Variants in EPHA10 observed in about 807,000 individuals in gnomAD.
EPHA10 encodes EPH receptor A10.
EPHA10 carries 120 observed loss-of-function variants against 109.7 expected under a neutral mutation model. That is an observed-to-expected ratio of 1.09 (90% CI 0.94 to 1.27). The LOEUF is 1.27. Among genes scored for constraint, EPHA10 ranks in the 50% most tolerant of loss-of-function variants. The pLI is 0.00. For missense variants in EPHA10, 1,396 were observed against 1,411.1 expected (o/e 0.99, Z 0.17); for synonymous variants, 640 against 618.9 (o/e 1.03, Z -0.51).
At chr1:37,762,333 G>A (rs1395004430) in intron 2 of EPHA10, among the ~76,000 whole-genome samples, 2 of 152,128 alleles carry the variant, frequency 1.3e-5, no homozygotes, top group Non-Finnish European at 2.9e-5. Flanking sequence ...GCTAGGAATG[G>A]TGCCTGTAGT....
chr1:37,744,956 C>T (rs1360478303), intron 5 of EPHA10, among the ~76,000 whole-genome samples: 1 of 152,112 alleles, frequency 6.6e-6, no homozygotes, highest in Non-Finnish European at 1.5e-5. Context: ...CAGAGAAAAA[C>T]ACCTAGAGAG....
chr1:37,763,065 A>C (rs1039303968), intron 1 of EPHA10, among the ~76,000 whole-genome samples: 1 of 152,206 alleles, frequency 6.6e-6, no homozygotes, highest in African/African-American at 2.4e-5. Flanking sequence ...AGGAGCTTGT[A>C]TTCAGTTCCT....
intron 5 of EPHA10, among the ~76,000 whole-genome samples, chr1:37,741,286 C>G: frequency 6.6e-6 from 1 of 152,300 alleles, no homozygotes; most frequent in South Asian, 2.1e-4. Context: ...GAGGAGACAA[C>G]AGAGTAAGAT....
chr1:37,753,137 C>G lies in EPHA10; in HGVS notation c.1096G>C (p.Gly366Arg). Residue 366 changes from glycine to arginine, a missense_variant, in exon 5 of 17, where the codon GGA becomes CGA. Coordinates refer to ENST00000373048, the MANE Select transcript of EPHA10 (RefSeq NM_001099439.2). ...GAGTAGGTGACGTCCGAGCGGCCTC[C>G]CGAGTCGGCCGGCGGCAGCCAGCGC... ...RLRWLPPADS[G>R]GRSDVTYSLL... is the part of the protein sequence containing the mutation. 7.1e-7 allele frequency: 1 copy of G among 1,407,430 alleles called. No homozygotes were observed. The highest frequency in any genetic ancestry group is 9.3e-7 in the Non-Finnish European group (1 of 1,080,386). 87.2% of individuals were successfully genotyped at this position (1,407,430 alleles called of 1,614,324 possible). A position where few individuals can be genotyped will look rare whatever the true frequency, so the allele number is the denominator to read the frequency against.
In EPHA10 at chr1:37,718,262, G is replaced by A; in HGVS notation, c.*110C>T. On this transcript the variant is annotated 3_prime_UTR_variant, in exon 17 of 17. Transcript: ENST00000373048. ...CCACCAGATCTGGGCCCAAGCAGAG[G>A]AAGAGAGCGCTCCCTCCCACACTGC... 1 of 929,106 alleles carries A rather than the reference G, an allele frequency of 1.1e-6. No individual in the cohort carries two copies. The highest frequency in any genetic ancestry group is 1.7e-6 in the Non-Finnish European group (1 of 601,966). 57.6% of individuals were successfully genotyped at this position (929,106 alleles called of 1,614,324 possible).
rs577260621 is a variant in EPHA10 at position 37,741,850 on chromosome 1, T to C, written c.1358-6460A>G. On this transcript the variant is annotated intron_variant, in intron 5 of 16. Coordinates refer to ENST00000373048, the MANE Select transcript of EPHA10 (RefSeq NM_001099439.2). ...GCTTTCGAGGAAGAGTGCTCTTCCC[T>C]ATCCCCCGGGGGCGCTTCTCAGCCA... Among the ~76,000 whole-genome samples, 45 of 151,362 alleles carry C rather than the reference T, an allele frequency of 3.0e-4. No individual in the cohort carries two copies. In the South Asian group the frequency reaches 9.0e-3, roughly 30 times the overall value.
At chr1:37,750,376 A>G (rs995019200) in intron 5 of EPHA10, among the ~76,000 whole-genome samples, 4 of 152,222 alleles carry the variant, frequency 2.6e-5, no homozygotes, top group Non-Finnish European at 5.9e-5. Flanking sequence ...AATAGAGACA[A>G]TAAAAAACAG....
At chr1:37,762,724 G>A (rs1217236200) in intron 2 of EPHA10, 61 bp downstream of exon 2, 20 of 1,442,474 alleles carry the variant, frequency 1.4e-5, no homozygotes, top group Non-Finnish European at 1.9e-5. Flanking sequence ...AGGAGCTGAG[G>A]AGACTGTGTC....
In EPHA10 at chr1:37,761,596, G is replaced by A; in HGVS notation, c.659C>T (p.Thr220Met). The A allele has an allele frequency of 1.2e-6, 2 of 1,600,254 alleles. No individual in the cohort carries two copies. The highest frequency in any genetic ancestry group is 8.5e-7 in the Non-Finnish European group (1 of 1,177,748). Residue 220 changes from threonine (T) to methionine (M), a missense_variant, in exon 3 of 17, where the codon ACG becomes ATG. Thr to Met is a moderately conservative substitution (Grantham distance 81, BLOSUM62 -1). Transcript: ENST00000373048. ...GCTCTCGGCTGCGGTGGCTGGGAAC[G>A]TGGCCAGGCCCCGCACGGTGGCGCG... ...QCRATVRGLA[T>M]FPATAAESAF...
At chr1:37,722,876 T>C (rs750984716) in intron 10 of EPHA10, 165 bp downstream of exon 10, 121 of 1,025,736 alleles carry the variant, frequency 1.2e-4, no homozygotes, top group South Asian at 1.0e-3. Flanking sequence ...CCAGGGACTT[T>C]CTGGGTGGAG....
At chr1:37,737,263 A>G (rs1175505749) in intron 5 of EPHA10, among the ~76,000 whole-genome samples, 1 of 152,176 alleles carries the variant, frequency 6.6e-6, no homozygotes, top group African/African-American at 2.4e-5. Context: ...AGCCTGGGCA[A>G]CACAGTGAGA....
rs56167657 is a variant in EPHA10 at position 37,720,457 on chromosome 1, C to T, written c.2306G>A (p.Arg769Gln). 24 of 1,613,458 alleles carry T rather than the reference C, an allele frequency of 1.5e-5. No homozygotes were observed. The highest frequency in any genetic ancestry group is 4.4e-5 in the South Asian group (4 of 91,078). ...CAGCACATGGCGAGCTGCCAGGCCC[C>T]GGTGAACGTAGCCCATCTCTGACAG... is the stretch of plus-strand genomic sequence containing the variant. ...KYLSEMGYVH[R>Q]GLAARHVLVS... The change falls in exon 13 of 17, where the codon CGG (arginine) becomes CAG (glutamine). Residue 769 changes from arginine (R) to glutamine (Q), a missense_variant. Coordinates refer to ENST00000373048, the MANE Select transcript of EPHA10 (RefSeq NM_001099439.2).
rs754308771 is a variant in EPHA10, at chr1:37,727,181, C to G, written c.1693G>C (p.Ala565Pro). 13 of 1,611,208 alleles carry G rather than the reference C, an allele frequency of 8.1e-6. No homozygotes were observed. Among genetic ancestry groups the G allele is most frequent in the Non-Finnish European group, 9.3e-6 (11 of 1,178,390 alleles). Residue 565 changes from alanine to proline, a missense_variant, in exon 8 of 17, where the codon GCC (alanine) becomes CCC (proline). Physicochemically the swap from Ala to Pro is conservative, Grantham distance 27. Transcript: ENST00000373048. Reference sequence around the variant, plus strand: ...ATGGTCACTACGGTGACGACAATGGCGGGGCTCTGGTCCCTGGACCCTGAG... The same window carrying G: ...ATGGTCACTACGGTGACGACAATGGGGGGGCTCTGGTCCCTGGACCCTGAG... ...AASGSRDQSPAIVVTVVTISA... is the reference protein window; with the variant it reads ...AASGSRDQSPPIVVTVVTISA...
chr1:37,718,988 C>T, intron 15 of EPHA10, 172 bp from the exon 16 acceptor site: 1 of 829,206 alleles, frequency 1.2e-6, no homozygotes, highest in Non-Finnish European at 1.9e-6. Flanking sequence ...GCGAGGGCTT[C>T]AGGTTCTTCA....
At chr1:37,741,904 A>G (rs1646161035) in intron 5 of EPHA10, among the ~76,000 whole-genome samples, 1 of 152,182 alleles carries the variant, frequency 6.6e-6, no homozygotes, top group African/African-American at 2.4e-5. Context: ...CAGCTCCCAG[A>G]AAAGGCCTGA....
chr1:37,746,104 T>C (rs1206510172), intron 5 of EPHA10, among the ~76,000 whole-genome samples: 1 of 148,448 alleles, frequency 6.7e-6, no homozygotes, highest in African/African-American at 2.5e-5. Flanking sequence ...TTCTTTTCTT[T>C]TTTTTTTTTT....
In EPHA10 at chr1:37,721,688, G is replaced by A. The variant is rs781165042; in HGVS notation, c.2118C>T (p.Ile706=). The change falls in exon 11 of 17, where the codon ATC becomes ATT. Residue 706 remains isoleucine (I), a synonymous_variant. Coordinates refer to ENST00000373048, the MANE Select transcript of EPHA10 (RefSeq NM_001099439.2). ...LTLGQFDHSH[I]VRLEGVVTRG... The stretch of plus-strand genomic sequence containing the variant: ...GGGTAACAACGCCCTCCAGCCGCAC[G>A]ATGTGGCTATGGTCAAACTGGCCCA... The A allele has an allele frequency of 6.8e-6, 11 of 1,609,870 alleles. No homozygotes were observed. The highest frequency in any genetic ancestry group is 2.2e-5 in the South Asian group (2 of 90,836).
chr1:37,761,045 G>A (rs557608126), intron 3 of EPHA10: 8 of 698,308 alleles, frequency 1.1e-5, no homozygotes, highest in Non-Finnish European at 1.5e-5. Context: ...GATCAAGCCA[G>A]TGCACTCCAG....
rs753126717 is a variant in EPHA10 at position 37,720,459 on chromosome 1, G to T, written c.2304C>A (p.His768Gln). 6.2e-7 allele frequency: 1 copy of T among 1,613,644 alleles called. No homozygotes were observed. ...MKYLSEMGYV[H>Q]RGLAARHVLV... is the part of the protein sequence containing the mutation. Reference sequence around the variant, plus strand: ...GCACATGGCGAGCTGCCAGGCCCCGGTGAACGTAGCCCATCTCTGACAGAT... The same window carrying T: ...GCACATGGCGAGCTGCCAGGCCCCGTTGAACGTAGCCCATCTCTGACAGAT... The change falls in exon 13 of 17, where the codon CAC becomes CAA. Residue 768 changes from histidine (H) to glutamine (Q), a missense_variant. Physicochemically the swap from His to Gln is conservative, Grantham distance 24. Transcript: ENST00000373048.
Sources: allele counts gnomAD v4.1 joint callset (sites outside exome capture counted in the v4.1 genomes callset), GRCh38; gene constraint gnomAD v4.1.1; transcripts MANE v1.5; gene names NCBI Gene and HGNC (gene_info 2026-07-23, HGNC 2026-07-21).